Variants in NALCN observed in about 807,000 individuals in gnomAD.
NALCN encodes the protein sodium leak channel NALCN.
In NALCN, 111 loss-of-function variants were observed where a neutral mutation model predicts 225.3. That is an observed-to-expected ratio of 0.49 (90% CI 0.42 to 0.58). The LOEUF is 0.58. Ranked by LOEUF, NALCN falls within the 20% of genes least tolerant of loss-of-function variation. NALCN has a pLI of 0.00. For synonymous variants in NALCN, 764 were observed against 769.0 expected (o/e 0.99, Z 0.11); for missense variants, 1,378 against 2,202.4 (o/e 0.63, Z 7.49).
chr13:101,225,604 G>A (rs1293442453), intron 13 of NALCN, among the ~76,000 whole-genome samples: 1 of 152,182 alleles, frequency 6.6e-6, no homozygotes, highest in East Asian at 1.9e-4. Context: ...CTTGCCTGGA[G>A]CAGTCCTCCA....
intron 10 of NALCN, among the ~76,000 whole-genome samples, chr13:101,273,884 C>CAAA (rs34847260): frequency 8.3e-5 from 8 of 95,850 alleles, no homozygotes; most frequent in African/African-American, 2.2e-4. Context: ...GACTCCATCT[C>CAAA]AAAAAAAAAA....
chr13:101,105,399 T>C (rs1011933512), intron 22 of NALCN, among the ~76,000 whole-genome samples: 6 of 152,230 alleles, frequency 3.9e-5, no homozygotes, highest in African/African-American at 1.2e-4. Context: ...GAATGATTTA[T>C]TTAGAATTTC....
chr13:101,207,722 A>T (rs1053207752), intron 13 of NALCN, among the ~76,000 whole-genome samples: 1 of 151,356 alleles, frequency 6.6e-6, no homozygotes, highest in Non-Finnish European at 1.5e-5. Flanking sequence ...AGCGCTCTGT[A>T]AAATGGACCA....
Position 101,104,660 on chromosome 13 carries a change from A to G in NALCN, c.2637-10T>C. 1 of 1,613,618 alleles carries G rather than the reference A, an allele frequency of 6.2e-7. No homozygotes were observed. Among genetic ancestry groups the G allele is most frequent in the South Asian group, 1.1e-5 (1 of 91,000 alleles). Reference sequence around the variant, plus strand: ...CAATCCCAGCAAATCACTGCCAAAGACCAAACAAAATTGAGAAACATAAAG... The same window carrying G: ...CAATCCCAGCAAATCACTGCCAAAGGCCAAACAAAATTGAGAAACATAAAG... On this transcript the variant is annotated splice_polypyrimidine_tract_variant and intron_variant, in intron 23 of 43. Transcript: ENST00000251127. The surrounding 1 kb of genome is among the most constrained non-coding windows in gnomAD (Gnocchi z 4.2).
intron 7 of NALCN, among the ~76,000 whole-genome samples, chr13:101,342,842 A>G (rs1487964639): frequency 2.6e-5 from 4 of 152,262 alleles, no homozygotes; most frequent in African/African-American, 4.8e-5. Context: ...GGCTTTTAAT[A>G]TATTTTAAAA....
intron 13 of NALCN, among the ~76,000 whole-genome samples, chr13:101,196,269 C>T (rs1293718820): frequency 2.6e-5 from 4 of 152,146 alleles, no homozygotes; most frequent in African/African-American, 9.7e-5. Context: ...TCTTCTATCT[C>T]AAGTAGCTTC....
intron 10 of NALCN, among the ~76,000 whole-genome samples, chr13:101,282,991 G>T (rs1230367241): frequency 1.3e-5 from 2 of 152,138 alleles, no homozygotes; most frequent in African/African-American, 2.4e-5. Flanking sequence ...TCCCACGGCA[G>T]ATGTGAACAC....
intron 3 of NALCN, among the ~76,000 whole-genome samples, chr13:101,382,824 T>C (rs774153285): frequency 6.6e-6 from 1 of 152,162 alleles, no homozygotes; most frequent in East Asian, 1.9e-4. Flanking sequence ...CTTGGACTTT[T>C]CAGAAACATA....
At chr13:101,337,160 C>T (rs1165037113) in intron 7 of NALCN, among the ~76,000 whole-genome samples, 1 of 152,090 alleles carries the variant, frequency 6.6e-6, no homozygotes, top group Non-Finnish European at 1.5e-5. Context: ...ATATTATGCA[C>T]CAACTCTCTG....
intron 10 of NALCN, among the ~76,000 whole-genome samples, chr13:101,271,902 CGT>C (rs1329796298): frequency 7.5e-6 from 1 of 133,020 alleles, no homozygotes; most frequent in Non-Finnish European, 1.6e-5. Flanking sequence ...TATGTGTGTG[CGT>C]GTGATTGTGT....
At chr13:101,180,387 T>TG (rs368991010) in intron 14 of NALCN, 37,185 of 145,180 alleles carry the variant, frequency 0.26, 5,141 homozygotes, top group Non-Finnish European at 0.31. Context: ...TTTTTTTTTT[T>TG]TATTTTTTGT....
intron 15 of NALCN, among the ~76,000 whole-genome samples, chr13:101,158,482 C>T (rs779198975): frequency 3.9e-4 from 59 of 152,222 alleles, no homozygotes; most frequent in Non-Finnish European, 6.9e-4. Flanking sequence ...GGGGTTCCCC[C>T]AGCCCAGCAT....
At chr13:101,133,108 C>G (rs1214710518) in intron 17 of NALCN, among the ~76,000 whole-genome samples, 1 of 152,162 alleles carries the variant, frequency 6.6e-6, no homozygotes, top group Non-Finnish European at 1.5e-5. Context: ...TTAATTCAAT[C>G]ACCCAGAAGT....
chr13:101,069,601 G>T (rs2139447024), intron 37 of NALCN, among the ~76,000 whole-genome samples: 1 of 152,240 alleles, frequency 6.6e-6, no homozygotes, highest in African/African-American at 2.4e-5. Context: ...CATATCAATT[G>T]ACTCTTCCTT....
At chr13:101,305,001 C>T (rs1222282151) in intron 7 of NALCN, among the ~76,000 whole-genome samples, 11 of 152,026 alleles carry the variant, frequency 7.2e-5, no homozygotes, top group East Asian at 3.9e-4. Flanking sequence ...GTGATCCGCC[C>T]GCCTCAGCCT....
At chr13:101,306,063 G>A (rs954122641) in intron 7 of NALCN, among the ~76,000 whole-genome samples, 12 of 152,128 alleles carry the variant, frequency 7.9e-5, no homozygotes, top group African/African-American at 2.7e-4. Flanking sequence ...TTTGAAAGCC[G>A]GCCAGTCTGC....
At chr13:101,288,041 G>A (rs1247435378) in intron 9 of NALCN, among the ~76,000 whole-genome samples, 1 of 152,040 alleles carries the variant, frequency 6.6e-6, no homozygotes, top group Non-Finnish European at 1.5e-5. Context: ...GAAAATTTAT[G>A]GTTTTTCAAA....
At chr13:101,154,994 C>T (rs774375859) in intron 15 of NALCN, among the ~76,000 whole-genome samples, 1 of 152,124 alleles carries the variant, frequency 6.6e-6, no homozygotes. Flanking sequence ...CTTGATACAA[C>T]GTATTCATGG....
At chr13:101,231,366 G>A (rs1253894275) in intron 12 of NALCN, among the ~76,000 whole-genome samples, 1 of 152,078 alleles carries the variant, frequency 6.6e-6, no homozygotes, top group East Asian at 1.9e-4. Context: ...AGGATTCAAT[G>A]GCTACTATTA....
Sources: gnomAD v4.1 joint callset for allele counts (sites outside exome capture counted in the v4.1 genomes callset) on GRCh38, gnomAD v4.1.1 for gene constraint, Gnocchi (gnomAD v3.1) non-coding constraint, MANE v1.5 for transcripts, NCBI Gene and HGNC (gene_info 2026-07-23, HGNC 2026-07-21) for gene names.